Variants in ETFA observed in about 807,000 individuals in gnomAD.
ETFA encodes electron transfer flavoprotein subunit alpha, also known as electron transfer flavoprotein subunit alpha, mitochondrial.
Under a neutral mutation model 46.2 loss-of-function variants are expected in ETFA, and 22 were observed. That is an observed-to-expected ratio of 0.48 (90% confidence interval 0.34 to 0.68). The LOEUF is 0.68. ETFA is among the 30% of genes least tolerant of loss of function. ETFA has a pLI of 0.01. For missense variants in ETFA, 345 were observed against 401.1 expected (o/e 0.86, Z 1.19); for synonymous variants, 131 against 139.9 (o/e 0.94, Z 0.45).
At chr15:76,275,093 G>T (rs1360094731) in intron 8 of ETFA, among the ~76,000 whole-genome samples, 3 of 152,042 alleles carry the variant, frequency 2.0e-5, no homozygotes, top group African/African-American at 7.2e-5. Flanking sequence ...CCACTATCTT[G>T]AGTCAGCCAG....
intron 4 of ETFA, among the ~76,000 whole-genome samples, chr15:76,290,372 T>C (rs2141536949): frequency 6.9e-6 from 1 of 145,854 alleles, no homozygotes; most frequent in East Asian, 2.0e-4. Context: ...GGTGTTGCTC[T>C]GTCACCCTGG....
chr15:76,227,712 C>T (rs920597995), intron 10 of ETFA: 6 of 418,996 alleles, frequency 1.4e-5, no homozygotes, highest in Middle Eastern at 5.2e-4. Flanking sequence ...TTTCTACCTA[C>T]CTGGCATTGT....
intron 9 of ETFA, among the ~76,000 whole-genome samples, chr15:76,240,430 G>A (rs1277425243): frequency 6.6e-6 from 1 of 152,156 alleles, no homozygotes; most frequent in Non-Finnish European, 1.5e-5. Flanking sequence ...CTAAGCAAAT[G>A]TCTTCTTCAC....
At chr15:76,302,613 C>A (rs1309540293) in intron 1 of ETFA, among the ~76,000 whole-genome samples, 2 of 152,076 alleles carry the variant, frequency 1.3e-5, no homozygotes, top group Non-Finnish European at 2.9e-5. Context: ...TGTCATTATC[C>A]ATTTGTCCAA....
intron 9 of ETFA, among the ~76,000 whole-genome samples, chr15:76,265,612 A>T (rs1298792616): frequency 6.6e-6 from 1 of 152,194 alleles, no homozygotes; most frequent in Admixed American, 6.5e-5. Context: ...GGACTGCCTC[A>T]GAAGTTTTTC....
intron 10 of ETFA, chr15:76,231,086 T>C (rs922559176): frequency 2.7e-5 from 13 of 478,128 alleles, no homozygotes; most frequent in Non-Finnish European, 4.5e-5. Flanking sequence ...CAGACAGCAC[T>C]CATCATGCAT....
At chr15:76,248,174 T>C (rs2039261502) in intron 9 of ETFA, among the ~76,000 whole-genome samples, 1 of 152,196 alleles carries the variant, frequency 6.6e-6, no homozygotes, top group Admixed American at 6.5e-5. Flanking sequence ...TTAAGTGTAG[T>C]AGGGGTACAG....
chr15:76,240,851 G>C (rs1014533562), intron 9 of ETFA, among the ~76,000 whole-genome samples: 5 of 151,810 alleles, frequency 3.3e-5, no homozygotes, highest in African/African-American at 1.2e-4. Flanking sequence ...ATTTGAGGCT[G>C]CAGTGAACTA....
chr15:76,225,742 C>T (rs2038997841), intron 11 of ETFA, 107 bp downstream of exon 11: 4 of 812,322 alleles, frequency 4.9e-6, no homozygotes, highest in Middle Eastern at 4.4e-4. Flanking sequence ...CAAACACAGA[C>T]ACACAAACAC....
At chr15:76,288,252 T>C (rs951052901) in intron 4 of ETFA, among the ~76,000 whole-genome samples, 4 of 152,114 alleles carry the variant, frequency 2.6e-5, no homozygotes, top group African/African-American at 7.2e-5. Context: ...AGTGTGACAG[T>C]TGTGGATTAT....
intron 9 of ETFA, chr15:76,260,591 C>T: frequency 6.6e-7 from 1 of 1,510,242 alleles, no homozygotes; most frequent in Admixed American, 1.8e-5. Flanking sequence ...CCTCCATTGT[C>T]AGCTCATCCT....
chr15:76,301,426 G>A (rs912207811), intron 1 of ETFA, among the ~76,000 whole-genome samples: 10 of 152,102 alleles, frequency 6.6e-5, no homozygotes, highest in South Asian at 6.2e-4. Flanking sequence ...AGAACTCTTC[G>A]TTGGCCAGTC....
At chr15:76,234,443 A>T (rs1223127575) in intron 9 of ETFA, among the ~76,000 whole-genome samples, 6 of 152,220 alleles carry the variant, frequency 3.9e-5, no homozygotes, top group South Asian at 2.1e-4. Flanking sequence ...GCTGCTTCAC[A>T]ACATAACAAG....
chr15:76,273,308 C>T (rs1357176183), intron 9 of ETFA, among the ~76,000 whole-genome samples: 1 of 152,170 alleles, frequency 6.6e-6, no homozygotes, highest in Non-Finnish European at 1.5e-5. Context: ...GTAATTCCAG[C>T]ACTTTGGGAG....
chr15:76,233,939 C>A (rs1027538374), intron 9 of ETFA, among the ~76,000 whole-genome samples: 5 of 152,144 alleles, frequency 3.3e-5, no homozygotes, highest in African/African-American at 4.8e-5. Context: ...AATGTTGATT[C>A]ACTCTGGCAG....
intron 8 of ETFA, 150 bp downstream of exon 8, chr15:76,283,607 T>G (rs945643457): frequency 9.3e-6 from 6 of 644,814 alleles, no homozygotes; most frequent in Non-Finnish European, 1.7e-5. Context: ...CTTGGAGGCT[T>G]AAGAAAAACT....
At chr15:76,260,110 C>A in intron 9 of ETFA, 1 of 1,484,176 alleles carries the variant, frequency 6.7e-7, no homozygotes, top group Non-Finnish European at 9.4e-7. Context: ...CTGGGCCTAC[C>A]GCACTGAACC....
At chr15:76,269,067 A>G (rs1159673024) in intron 9 of ETFA, among the ~76,000 whole-genome samples, 1 of 152,196 alleles carries the variant, frequency 6.6e-6, no homozygotes, top group South Asian at 2.1e-4. Flanking sequence ...TAAGTGGATT[A>G]AGGCCATTGG....
intron 9 of ETFA, among the ~76,000 whole-genome samples, chr15:76,245,982 C>T (rs968794139): frequency 2.0e-5 from 3 of 152,140 alleles, no homozygotes; most frequent in Non-Finnish European, 4.4e-5. Context: ...GTAAGTGTGT[C>T]AAACCTCAGG....
Sources: gnomAD v4.1 joint callset for allele counts (sites outside exome capture counted in the v4.1 genomes callset) on GRCh38, gnomAD v4.1.1 for gene constraint, MANE v1.5 for transcripts, NCBI Gene and HGNC (gene_info 2026-07-23, HGNC 2026-07-21) for gene names.